Variants in RBM47 observed in about 807,000 individuals in gnomAD.
RBM47 encodes the protein RNA-binding protein 47.
RBM47 carries 21 observed loss-of-function variants against 47.1 expected under a neutral mutation model. The observed-to-expected ratio is 0.45, with a 90% CI of 0.32 to 0.64. The LOEUF is 0.64. RBM47 is among the 30% of genes least tolerant of loss of function. The probability of loss-of-function intolerance (pLI) is 0.05; values close to 1 mark genes in which losing one functional copy is unlikely to be tolerated. For missense variants in RBM47, 708 were observed against 870.9 expected (o/e 0.81, Z 2.35); for synonymous variants, 375 against 361.7 (o/e 1.04, Z -0.42).
chr4:40,510,972 C>T (rs756782743), intron 2 of RBM47, among the ~76,000 whole-genome samples: 4 of 152,182 alleles, frequency 2.6e-5, no homozygotes, highest in Admixed American at 1.3e-4. Context: ...TTAATTTTGG[C>T]TGCTGTGGGG....
intron 1 of RBM47, among the ~76,000 whole-genome samples, chr4:40,582,807 A>AT (rs1237750659): frequency 6.6e-6 from 1 of 152,080 alleles, no homozygotes; most frequent in Non-Finnish European, 1.5e-5. Flanking sequence ...AAACCATTCA[A>AT]TTGTCACCTC....
intron 1 of RBM47, among the ~76,000 whole-genome samples, chr4:40,576,110 A>G (rs754485221): frequency 1.3e-5 from 2 of 151,928 alleles, no homozygotes; most frequent in Non-Finnish European, 2.9e-5. Flanking sequence ...ATCTTTCCTC[A>G]CCTCCTCCTG....
At chr4:40,542,594 C>A in intron 2 of RBM47, 1 of 152,482 alleles carries the variant, frequency 6.6e-6, no homozygotes, top group South Asian at 2.0e-4. Context: ...TAGCCTCAAC[C>A]TCCCAGGCCT....
intron 3 of RBM47, among the ~76,000 whole-genome samples, chr4:40,450,304 T>C (rs1041445252): frequency 6.6e-6 from 1 of 152,104 alleles, no homozygotes; most frequent in Non-Finnish European, 1.5e-5. Flanking sequence ...ATTTATAAAA[T>C]TCTTTCAGGC....
intron 2 of RBM47, among the ~76,000 whole-genome samples, chr4:40,482,606 C>T (rs1372684775): frequency 2.0e-5 from 3 of 152,180 alleles, no homozygotes; most frequent in African/African-American, 7.2e-5. Context: ...TCACAAAATC[C>T]TACACTTCAA....
chr4:40,580,231 T>TA (rs1247300826), intron 1 of RBM47, among the ~76,000 whole-genome samples: 3 of 152,016 alleles, frequency 2.0e-5, no homozygotes, highest in Non-Finnish European at 4.4e-5. Context: ...TTTTTTTTTT[T>TA]AACTCTTAGA....
At position 40,551,619 on chromosome 4, in the gene RBM47, G is replaced by C. The variant is rs538259631; in HGVS notation, c.-239-7113C>G. Reference sequence around the variant, plus strand: ...AAGAAGGAAGTACACAAGGAAGAGGGAGGGAGGGAGAATCAAATAGCGTAC... The same window carrying C: ...AAGAAGGAAGTACACAAGGAAGAGGCAGGGAGGGAGAATCAAATAGCGTAC... On this transcript the variant is annotated intron_variant, in intron 1 of 6. Transcript: ENST00000295971. Among the ~76,000 whole-genome samples the C allele has an allele frequency of 1.2e-3, 177 of 151,202 alleles. 1 individual carries two copies. The highest frequency in any genetic ancestry group is 4.1e-3 in the African/African-American group (170 of 41,284).
intron 1 of RBM47, among the ~76,000 whole-genome samples, chr4:40,599,253 G>A (rs547425242): frequency 0.014 from 1,177 of 81,220 alleles, 42 homozygotes; most frequent in Admixed American, 0.092. Flanking sequence ...ACAAGACTCC[G>A]TCTCAAAAAA....
intron 2 of RBM47, among the ~76,000 whole-genome samples, chr4:40,532,462 G>A (rs1212037449): frequency 6.6e-6 from 1 of 150,890 alleles, no homozygotes; most frequent in Non-Finnish European, 1.5e-5. Flanking sequence ...ACAGGCATGT[G>A]CCACCACACC....
chr4:40,572,102 A>AC (rs1301100897), intron 1 of RBM47, among the ~76,000 whole-genome samples: 2 of 148,590 alleles, frequency 1.3e-5, no homozygotes, highest in Non-Finnish European at 3.0e-5. Context: ...AAAAAAAAAA[A>AC]CCCACCAGGT....
chr4:40,438,306 G>A lies in RBM47; in HGVS notation c.588C>T (p.Phe196=), dbSNP rs1392253835. The change falls in exon 4 of 7, where the codon TTC becomes TTT. Residue 196 remains phenylalanine, a synonymous_variant. Coordinates refer to ENST00000295971, the MANE Select transcript of RBM47 (RefSeq NM_001098634.2). ...GGTGGCTCTCGTACTCCACGAAGGC[G>A]AAGCCGCGGTTCTTCATCTTGTCGG... ...SAADKMKNRG[F]AFVEYESHRA... is the part of the protein sequence containing the mutation. 7 of 1,606,146 alleles carry A rather than the reference G, an allele frequency of 4.4e-6. No homozygotes were observed. Among genetic ancestry groups the A allele is most frequent in the East Asian group, 2.2e-5 (1 of 44,876 alleles).
intron 2 of RBM47, among the ~76,000 whole-genome samples, chr4:40,513,718 T>G (rs990385678): frequency 2.0e-5 from 3 of 152,040 alleles, no homozygotes; most frequent in African/African-American, 7.2e-5. Flanking sequence ...AACTGACTTT[T>G]TTTTTTTTTC....
intron 1 of RBM47, among the ~76,000 whole-genome samples, chr4:40,584,087 C>A (rs541073547): frequency 6.6e-6 from 1 of 152,174 alleles, no homozygotes; most frequent in East Asian, 1.9e-4. Context: ...ACCTCAGCCT[C>A]AGAGCAGCTG....
At position 40,438,111 on chromosome 4, in the gene RBM47, G is replaced by A; in HGVS notation, c.783C>T (p.Thr261=). 1.2e-6 allele frequency: 2 copies of A among 1,613,622 alleles called. No homozygotes were observed. Among genetic ancestry groups the A allele is most frequent in the Non-Finnish European group, 1.7e-6 (2 of 1,180,034 alleles). The change falls in exon 4 of 7, where the codon ACC becomes ACT. Residue 261 remains threonine (T), a synonymous_variant. Transcript: ENST00000295971. ...TGAACTGGCCGAAGCTCTTCTTGAT[G>A]GTGTCCTCGGTGGTCTCGATCATGA... The part of the protein sequence containing the change: ...RNLMIETTED[T]IKKSFGQFNP...
chr4:40,552,771 C>G (rs1186869282), intron 1 of RBM47, among the ~76,000 whole-genome samples: 1 of 152,182 alleles, frequency 6.6e-6, no homozygotes, highest in South Asian at 2.1e-4. Flanking sequence ...GCTGGCTATA[C>G]CACTGGCCTT....
intron 2 of RBM47, among the ~76,000 whole-genome samples, chr4:40,495,415 A>AAC (rs1251420458): frequency 1.3e-5 from 2 of 152,128 alleles, no homozygotes; most frequent in African/African-American, 4.8e-5. Context: ...CAGCTTGGCC[A>AAC]ACATGGTGAA....
chr4:40,444,434 A>AAAG (rs1338103873), intron 3 of RBM47, among the ~76,000 whole-genome samples: 1 of 151,956 alleles, frequency 6.6e-6, no homozygotes, highest in South Asian at 2.1e-4. Context: ...AAAAAAAAAA[A>AAAG]AAGAAAAGAT....
intron 1 of RBM47, among the ~76,000 whole-genome samples, chr4:40,584,169 G>A (rs1213674837): frequency 6.6e-6 from 1 of 152,110 alleles, no homozygotes; most frequent in Admixed American, 6.6e-5. Flanking sequence ...TCACCATGTT[G>A]CCCAGGCTGG....
At position 40,482,865 on chromosome 4, in the gene RBM47, T is replaced by C. The variant is rs117018264; in HGVS notation, c.-154-16166A>G. 1.2e-3 allele frequency among the ~76,000 whole-genome samples: 182 copies of C among 152,356 alleles called. 2 individuals carry two copies. In the East Asian group the frequency reaches 0.018, roughly 15 times the overall value. ...TTAAGACCTTGTGGTTCAGTTCTTATTTAAGCCTAGTTACCTGTTCAACAT... is the reference window on the plus strand; with the variant it reads ...TTAAGACCTTGTGGTTCAGTTCTTACTTAAGCCTAGTTACCTGTTCAACAT... On this transcript the variant is annotated intron_variant, in intron 2 of 6. Transcript: ENST00000295971.
Sources: allele counts gnomAD v4.1 joint callset (sites outside exome capture counted in the v4.1 genomes callset), GRCh38; gene constraint gnomAD v4.1.1; transcripts MANE v1.5; gene names NCBI Gene and HGNC (gene_info 2026-07-23, HGNC 2026-07-21).